The following L3MBTL4 variants were observed in gnomAD, a reference collection of about 807,000 sequenced individuals.
The protein encoded by L3MBTL4 is lethal(3)malignant brain tumor-like protein 4.
A neutral mutation model predicts 84.5 loss-of-function variants in L3MBTL4; 70 were observed. That is an observed-to-expected ratio of 0.83 (90% CI 0.68 to 1.01). The LOEUF is 1.01. Among genes scored for constraint, L3MBTL4 ranks in the 50% least tolerant of loss-of-function variants. The pLI is 0.00. For missense variants in L3MBTL4, 715 were observed against 754.8 expected, an observed-to-expected ratio of 0.95 and a Z score of 0.62; for synonymous variants, 274 against 259.8, an observed-to-expected ratio of 1.05 and a Z score of -0.52.
intron 1 of L3MBTL4, among the ~76,000 whole-genome samples, chr18:6,332,317 AC>A (rs2052079789): frequency 6.6e-6 from 1 of 152,180 alleles, no homozygotes; most frequent in Non-Finnish European, 1.5e-5. Flanking sequence ...CGTTCTGAAG[AC>A]CACTGGGCTG....
chr18:5,968,246 T>G (rs1320712146), intron 17 of L3MBTL4, among the ~76,000 whole-genome samples: 1 of 152,250 alleles, frequency 6.6e-6, no homozygotes, highest in Non-Finnish European at 1.5e-5. Flanking sequence ...TTTCCTTCAC[T>G]TAAACAACAG....
intron 5 of L3MBTL4, among the ~76,000 whole-genome samples, chr18:6,257,028 A>G (rs1172102241): frequency 6.6e-6 from 1 of 152,020 alleles, no homozygotes; most frequent in Admixed American, 6.6e-5. Flanking sequence ...GATTTTGAGA[A>G]CCGCTTGTAT....
chr18:5,956,413 T>C (rs1159119653), intron 18 of L3MBTL4, 26 bp from the exon 19 acceptor site: 7 of 1,609,128 alleles, frequency 4.4e-6, no homozygotes, highest in Non-Finnish European at 5.9e-6. Flanking sequence ...TAGACACAAA[T>C]AAAAATGTTT....
At chr18:6,264,935 G>C (rs893011567) in intron 4 of L3MBTL4, among the ~76,000 whole-genome samples, 2 of 152,202 alleles carry the variant, frequency 1.3e-5, no homozygotes, top group African/African-American at 4.8e-5. Context: ...ACAAAGTAAA[G>C]GTCCACAAAG....
chr18:6,031,681 G>T, intron 16 of L3MBTL4: 1 of 984,308 alleles, frequency 1.0e-6, no homozygotes, highest in Non-Finnish European at 1.2e-6. Flanking sequence ...CCTCCAGCAG[G>T]TCAGCCCCAG....
rs60613997 is a variant in L3MBTL4 at position 6,209,445 on chromosome 18, C to CAAAAAAAAAAA, written c.981+3693_981+3703dup. On this transcript the variant is annotated intron_variant, in intron 12 of 18. Transcript: ENST00000317931. ...AAGCCCATAAGGCCCACTAAACTGG[C>CAAAAAAAAAAA]AAAAAAAAAAAAAAAGCCAAAACAA... 1.0e-3 allele frequency among the ~76,000 whole-genome samples: 117 copies of CAAAAAAAAAAA among 113,912 alleles called. 1 individual carries two copies. Among genetic ancestry groups the CAAAAAAAAAAA allele is most frequent in the African/African-American group, 3.5e-3 (113 of 32,608 alleles). 74.7% of individuals were successfully genotyped at this position (113,912 alleles called of 152,430 possible).
chr18:5,963,033 A>G (rs542782285), intron 17 of L3MBTL4, among the ~76,000 whole-genome samples: 1 of 152,288 alleles, frequency 6.6e-6, no homozygotes, highest in South Asian at 2.1e-4. Context: ...TGCTGGGCTC[A>G]CTTTTTCATA....
intron 16 of L3MBTL4, chr18:6,030,455 C>G: frequency 2.0e-6 from 2 of 980,408 alleles, no homozygotes; most frequent in African/African-American, 3.5e-5. Context: ...ATTTGCATTG[C>G]TTTACTAAAC....
intron 1 of L3MBTL4, among the ~76,000 whole-genome samples, chr18:6,399,263 C>T (rs531398948): frequency 1.5e-3 from 230 of 152,130 alleles, no homozygotes; most frequent in Middle Eastern, 6.8e-3. Flanking sequence ...TATGGTGAAA[C>T]CCCATGTCTA....
At chr18:6,133,221 C>G (rs1409622173) in intron 14 of L3MBTL4, among the ~76,000 whole-genome samples, 3 of 152,092 alleles carry the variant, frequency 2.0e-5, no homozygotes, top group South Asian at 4.1e-4. Flanking sequence ...CTGTCCAATA[C>G]AGTAGCCACT....
chr18:6,136,861 A>G (rs886291094), intron 14 of L3MBTL4, among the ~76,000 whole-genome samples: 6 of 152,116 alleles, frequency 3.9e-5, no homozygotes, highest in African/African-American at 1.4e-4. Context: ...GAACTTGGAC[A>G]CCCTCCACCA....
intron 1 of L3MBTL4, among the ~76,000 whole-genome samples, chr18:6,342,625 A>G (rs1220775477): frequency 6.6e-6 from 1 of 152,176 alleles, no homozygotes; most frequent in Non-Finnish European, 1.5e-5. Context: ...TACCACAAAA[A>G]AAATCATCAA....
chr18:6,129,756 A>G (rs1171128611), intron 14 of L3MBTL4, among the ~76,000 whole-genome samples: 3 of 152,178 alleles, frequency 2.0e-5, no homozygotes, highest in Non-Finnish European at 4.4e-5. Context: ...CATTTTGATC[A>G]AAGAGTAGGT....
At chr18:6,391,465 G>T (rs1368957990) in intron 1 of L3MBTL4, among the ~76,000 whole-genome samples, 1 of 152,016 alleles carries the variant, frequency 6.6e-6, no homozygotes, top group East Asian at 1.9e-4. Flanking sequence ...TCAACATAGT[G>T]ATAGTAACAC....
intron 1 of L3MBTL4, among the ~76,000 whole-genome samples, chr18:6,360,276 C>T (rs1473555984): frequency 1.3e-5 from 2 of 152,086 alleles, no homozygotes; most frequent in African/African-American, 2.4e-5. Flanking sequence ...GAGACTGACA[C>T]GGGGGGATCC....
intron 7 of L3MBTL4, among the ~76,000 whole-genome samples, 191 bp from the exon 8 acceptor site, chr18:6,241,640 C>G (rs1401288587): frequency 1.3e-5 from 2 of 152,158 alleles, no homozygotes; most frequent in African/African-American, 4.8e-5. Flanking sequence ...CCTTAGCACC[C>G]ACAAAAGATT....
chr18:6,307,250 G>A (rs549130544), intron 3 of L3MBTL4, among the ~76,000 whole-genome samples: 1 of 151,248 alleles, frequency 6.6e-6, no homozygotes, highest in African/African-American at 2.4e-5. Flanking sequence ...GGCCAACATG[G>A]TGAAACCCCA....
intron 1 of L3MBTL4, among the ~76,000 whole-genome samples, chr18:6,400,032 T>C (rs1487916945): frequency 6.6e-6 from 1 of 152,194 alleles, no homozygotes; most frequent in African/African-American, 2.4e-5. Flanking sequence ...TACATTAATT[T>C]CTATAAGTAT....
intron 4 of L3MBTL4, among the ~76,000 whole-genome samples, chr18:6,295,342 C>CTATATATATATATA (rs370638631): frequency 3.4e-5 from 4 of 117,120 alleles, no homozygotes; most frequent in Admixed American, 2.5e-4. Context: ...CTCTCTCTCT[C>CTATATATATATATA]TCTCTATATA....
Sources: allele counts gnomAD v4.1 joint callset (sites outside exome capture counted in the v4.1 genomes callset), GRCh38; gene constraint gnomAD v4.1.1; transcripts MANE v1.5; gene names NCBI Gene and HGNC (gene_info 2026-07-23, HGNC 2026-07-21).